The following MAPK8IP3 variants were observed in gnomAD, a reference collection of about 807,000 sequenced individuals.
MAPK8IP3 encodes the protein mitogen-activated protein kinase 8 interacting protein 3, also known as C-Jun-amino-terminal kinase-interacting protein 3.
MAPK8IP3 carries 49 observed loss-of-function variants against 157.8 expected under a neutral mutation model. The ratio of observed to expected loss-of-function variants is 0.31; its 90% CI spans 0.25 to 0.39. The LOEUF is 0.39. MAPK8IP3 is among the 10% of genes least tolerant of loss of function. MAPK8IP3 has a pLI of 1.00. For missense variants in MAPK8IP3, 1,478 were observed against 1,889.4 expected (o/e 0.78, Z 4.04); for synonymous variants, 897 against 777.7 (o/e 1.15, Z -2.55).
chr16:1,758,011 C>T (rs975278119), intron 8 of MAPK8IP3, 137 bp from the exon 9 acceptor site: 3 of 858,352 alleles, frequency 3.5e-6, no homozygotes, highest in Non-Finnish European at 5.7e-6. Flanking sequence ...TGCTCCCTCT[C>T]TCTCCTGCCC....
chr16:1,745,137 A>G (rs2040888411), intron 5 of MAPK8IP3: 2 of 985,484 alleles, frequency 2.0e-6, no homozygotes, highest in Non-Finnish European at 2.4e-6. Flanking sequence ...TCCCATGGGT[A>G]AGTGGTGGCC....
intron 8 of MAPK8IP3, among the ~76,000 whole-genome samples, chr16:1,754,196 A>C (rs1193322974): frequency 6.6e-6 from 1 of 151,876 alleles, no homozygotes. Flanking sequence ...AAATTGGCCT[A>C]ATAGGGAGTA....
chr16:1,752,330 C>T (rs1486081497), intron 8 of MAPK8IP3: 5 of 211,276 alleles, frequency 2.4e-5, no homozygotes, highest in Non-Finnish European at 4.0e-5. Context: ...CTCTGCCACC[C>T]TACTCTGCAG....
Position 1,706,710 on chromosome 16 carries a change from C to T in MAPK8IP3, c.318+53C>T. 6.8e-7 allele frequency: 1 copy of T among 1,478,782 alleles called. No individual in the cohort carries two copies. The highest frequency in any genetic ancestry group is 9.0e-7 in the Non-Finnish European group (1 of 1,113,766). 91.6% of individuals were successfully genotyped at this position (1,478,782 alleles called of 1,614,324 possible). On this transcript the variant is annotated intron_variant, in intron 1 of 31. Coordinates refer to ENST00000610761, the MANE Select transcript of MAPK8IP3 (RefSeq NM_001318852.2). This position sits in a 1 kb window ranked among gnomAD's most constrained non-coding sequence, Gnocchi z 5.1. ...TCCCCGTCCCGGACCCCCAGCCAGC[C>T]CCGGGCCCCGGACCCAACACCCGTC...
intron 4 of MAPK8IP3, among the ~76,000 whole-genome samples, chr16:1,738,788 CGT>C (rs1238799796): frequency 5.0e-5 from 6 of 119,160 alleles, no homozygotes; most frequent in African/African-American, 1.3e-4. Context: ...TGTGAGCGTC[CGT>C]GTGAGTGTGA....
In MAPK8IP3 at chr16:1,751,055, A is replaced by C. The variant is rs2141877876; in HGVS notation, c.1216+2335A>C. On this transcript the variant is annotated intron_variant, in intron 8 of 31. Transcript: ENST00000610761. The surrounding 1 kb of genome is among the most constrained non-coding windows in gnomAD (Gnocchi z 5.0). Reference sequence around the variant, plus strand: ...GTGTCAGGTCGCAGCTGCCCTTCTCATTGTGGGCGGTGTCATTTCCGTGGG... The same window carrying C: ...GTGTCAGGTCGCAGCTGCCCTTCTCCTTGTGGGCGGTGTCATTTCCGTGGG... 6.6e-6 allele frequency among the ~76,000 whole-genome samples: 1 copy of C among 152,258 alleles called. No homozygotes were observed. The highest frequency in any genetic ancestry group is 2.1e-4 in the South Asian group (1 of 4,816).
chr16:1,759,643 G>C (rs1385465918), intron 10 of MAPK8IP3, among the ~76,000 whole-genome samples: 4 of 152,216 alleles, frequency 2.6e-5, no homozygotes, highest in Non-Finnish European at 5.9e-5. Flanking sequence ...GGCTCCGAGA[G>C]GGCCTGCCTG....
At chr16:1,718,926 G>A (rs1442329805) in intron 1 of MAPK8IP3, among the ~76,000 whole-genome samples, 1 of 152,174 alleles carries the variant, frequency 6.6e-6, no homozygotes, top group Non-Finnish European at 1.5e-5. Context: ...ATTAGGGGCT[G>A]GGCGAGGTGG....
rs777494586 is a variant in MAPK8IP3 at position 1,748,749 on chromosome 16, G to C, written c.1216+29G>C. 3 of 1,561,574 alleles carry C rather than the reference G, an allele frequency of 1.9e-6. No homozygotes were observed. In the Admixed American group the frequency reaches 5.0e-5, roughly 26 times the overall value. ...AGCGCAAGCCTTCCCCCGCACCGCT[G>C]TGCCTGCACAATGCTGGGGCTTTCT... On this transcript the variant is annotated intron_variant, in intron 8 of 31. Transcript: ENST00000610761.
chr16:1,757,471 ACCT>A (rs1355055237), intron 8 of MAPK8IP3, among the ~76,000 whole-genome samples: 1 of 152,088 alleles, frequency 6.6e-6, no homozygotes, highest in Admixed American at 6.5e-5. Flanking sequence ...CCGCGTCCTC[ACCT>A]CTGTTGGAGG....
intron 1 of MAPK8IP3, among the ~76,000 whole-genome samples, chr16:1,719,902 A>G (rs977646556): frequency 1.3e-5 from 2 of 152,218 alleles, no homozygotes; most frequent in African/African-American, 2.4e-5. Context: ...GAGTTCTACA[A>G]AAGGGCACTG....
At chr16:1,738,478 C>T in intron 4 of MAPK8IP3, among the ~76,000 whole-genome samples, 1 of 95,914 alleles carries the variant, frequency 1.0e-5, no homozygotes, top group African/African-American at 4.4e-5. Flanking sequence ...GTGTGAGCAT[C>T]CGTGTGAGCG....
intron 5 of MAPK8IP3, chr16:1,744,399 G>A (rs1401428002): frequency 3.0e-6 from 3 of 985,724 alleles, no homozygotes; most frequent in Non-Finnish European, 3.6e-6. Flanking sequence ...TGTCCATCGT[G>A]CCTGTGGGGG....
At position 1,762,585 on chromosome 16, in the gene MAPK8IP3, CGCTGGGTGCTTCCTG is replaced by C; in HGVS notation, c.1671-87_1671-73del. 1.9e-6 allele frequency: 3 copies of C among 1,556,938 alleles called. No individual in the cohort carries two copies. In the Middle Eastern group the frequency reaches 5.2e-4, roughly 270 times the overall value. The stretch of plus-strand genomic sequence containing the variant: ...CCTGTCTTCTGGGGGGACTGAAGTG[CGCTGGGTGCTTCCTG>C]GCGGGAGCCAGAGAGTCGCAGGTAA... On this transcript the variant is annotated intron_variant, in intron 14 of 31. Coordinates refer to ENST00000610761, the MANE Select transcript of MAPK8IP3 (RefSeq NM_001318852.2).
In MAPK8IP3 at chr16:1,761,868, G is replaced by A. The variant is rs915287405; in HGVS notation, c.1540-483G>A. ...AGTATATCCTACTATTCACACTCGG[G>A]GCATGGGGATGCGGGGTGCCTCCCG... On this transcript the variant is annotated intron_variant, in intron 13 of 31. Coordinates refer to ENST00000610761, the MANE Select transcript of MAPK8IP3 (RefSeq NM_001318852.2). Among the ~76,000 whole-genome samples, 19 of 152,200 alleles carry A rather than the reference G, an allele frequency of 1.2e-4. 1 individual carries two copies. The highest frequency in any genetic ancestry group is 2.4e-4 in the Non-Finnish European group (16 of 68,022).
intron 8 of MAPK8IP3, among the ~76,000 whole-genome samples, chr16:1,752,990 G>A (rs538210452): frequency 5.9e-5 from 9 of 152,282 alleles, no homozygotes; most frequent in African/African-American, 1.9e-4. Flanking sequence ...AAAGGAGTAC[G>A]CCCTTGTGTG....
chr16:1,768,970 G>A lies in MAPK8IP3; in HGVS notation c.*146G>A, dbSNP rs773982203. The A allele has an allele frequency of 9.8e-5, 92 of 934,578 alleles. No homozygotes were observed. Among genetic ancestry groups the A allele is most frequent in the Non-Finnish European group, 1.4e-4 (87 of 629,684 alleles). 57.9% of individuals were successfully genotyped at this position (934,578 alleles called of 1,614,324 possible). A position where few individuals can be genotyped will look rare whatever the true frequency, so the allele number is the denominator to read the frequency against. ...TTCACCTGAGTCTGGCCCCTCCAGCGGGCAGGGAGTGCGGGGATGCGGATC... is the reference window on the plus strand; with the variant it reads ...TTCACCTGAGTCTGGCCCCTCCAGCAGGCAGGGAGTGCGGGGATGCGGATC... On this transcript the variant is annotated 3_prime_UTR_variant, in exon 32 of 32. Coordinates refer to ENST00000610761, the MANE Select transcript of MAPK8IP3 (RefSeq NM_001318852.2).
intron 4 of MAPK8IP3, among the ~76,000 whole-genome samples, chr16:1,736,246 G>A (rs376746167): frequency 5.8e-5 from 6 of 102,874 alleles, no homozygotes; most frequent in Non-Finnish European, 9.9e-5. Context: ...CCGTGTGAGC[G>A]TGTGACTGTC....
chr16:1,719,817 A>C (rs2038402524), intron 1 of MAPK8IP3, among the ~76,000 whole-genome samples: 1 of 152,134 alleles, frequency 6.6e-6, no homozygotes, highest in Non-Finnish European at 1.5e-5. Context: ...CCTGTCCCCA[A>C]AAAATTGAAA....
Sources: allele counts gnomAD v4.1 joint callset (sites outside exome capture counted in the v4.1 genomes callset), GRCh38; gene constraint gnomAD v4.1.1; non-coding constraint Gnocchi (gnomAD v3.1); transcripts MANE v1.5; gene names NCBI Gene and HGNC (gene_info 2026-07-23, HGNC 2026-07-21).